CAPN11: variants seen among roughly 807,000 people sequenced by gnomAD.
CAPN11 encodes calpain 11.
In CAPN11, 108 loss-of-function variants were observed where a neutral mutation model predicts 105.3. The ratio of observed to expected loss-of-function variants is 1.03; its 90% CI spans 0.88 to 1.20. CAPN11 has a LOEUF of 1.20. Ranked by LOEUF, CAPN11 falls within the 50% of genes most tolerant of loss-of-function variation. The probability of loss-of-function intolerance (pLI) is 0.00; values close to 1 mark genes in which losing one functional copy is unlikely to be tolerated. For synonymous variants in CAPN11, 329 were observed against 344.5 expected, an observed-to-expected ratio of 0.96 and a Z score of 0.50; for missense variants, 883 against 924.8, an observed-to-expected ratio of 0.95 and a Z score of 0.59.
chr6:44,183,906 T>G lies in CAPN11; in HGVS notation c.2194T>G (p.Trp732Gly). The G allele has an allele frequency of 6.4e-7, 1 of 1,558,316 alleles. No homozygotes were observed. Among genetic ancestry groups the G allele is most frequent in the Non-Finnish European group, 8.7e-7 (1 of 1,150,692 alleles). The change falls in exon 23 of 23, where the codon TGG becomes GGG. Residue 732 changes from tryptophan (W) to glycine (G), a missense_variant and splice_region_variant. Physicochemically the swap from Trp to Gly is radical, Grantham distance 184. Transcript: ENST00000398776. ...TGHICLSLEQ[W>G]LQMTMWG ...TGGGATCTGCTTCCTGTCTCCACAG[T>G]GGCTGCAGATGACCATGTGGGGATA...
At chr6:44,183,584 G>T in intron 21 of CAPN11, 121 bp from the exon 22 acceptor site, 1 of 907,646 alleles carries the variant, frequency 1.1e-6, no homozygotes. Context: ...TTGGCTAGGG[G>T]ATTTATGTGG....
intron 11 of CAPN11, 99 bp downstream of exon 11, chr6:44,177,097 G>C: frequency 6.7e-7 from 1 of 1,489,440 alleles, no homozygotes; most frequent in Non-Finnish European, 9.2e-7. Context: ...CCGGAGTCAG[G>C]GTCCATGAGG....
chr6:44,181,098 AT>A, intron 18 of CAPN11, 101 bp downstream of exon 18: 1 of 1,250,540 alleles, frequency 8.0e-7, no homozygotes, highest in Non-Finnish European at 1.2e-6. Flanking sequence ...CCTGATGGGG[AT>A]TAGGCTCTGG....
chr6:44,172,245 G>A (rs1771137270), intron 4 of CAPN11, 57 bp from the exon 5 acceptor site: 1 of 1,192,880 alleles, frequency 8.4e-7, no homozygotes, highest in African/African-American at 1.5e-5. Context: ...GGATTCTGAG[G>A]CCCACCCACA....
chr6:44,167,205 G>C lies in CAPN11; in HGVS notation c.88+376G>C, dbSNP rs1049714466. 2.6e-5 allele frequency among the ~76,000 whole-genome samples: 4 copies of C among 152,122 alleles called. No individual in the cohort carries two copies. In the East Asian group the frequency reaches 7.7e-4, roughly 29 times the overall value. ...TCCATTATTTCCACTCTCCTTAAAA[G>C]AGCAGCATCTAGGCCGGGCGTGGTG... On this transcript the variant is annotated intron_variant, in intron 2 of 22. Coordinates refer to ENST00000398776, the MANE Select transcript of CAPN11 (RefSeq NM_007058.4).
At chr6:44,160,168 A>C (rs1768473050) in intron 1 of CAPN11, among the ~76,000 whole-genome samples, 2 of 152,188 alleles carry the variant, frequency 1.3e-5, no homozygotes, top group African/African-American at 4.8e-5. Flanking sequence ...AGTAGATTTT[A>C]AGTGTTCTCA....
chr6:44,171,754 G>C (rs4711774), intron 4 of CAPN11, among the ~76,000 whole-genome samples: 116,008 of 152,072 alleles, frequency 0.76, 45,059 homozygotes, highest in African/African-American at 0.91. Context: ...AAAACAAAAG[G>C]ATGTGTCTCT....
intron 18 of CAPN11, 64 bp downstream of exon 18, chr6:44,181,061 C>A: frequency 6.9e-7 from 1 of 1,444,540 alleles, no homozygotes; most frequent in Non-Finnish European, 9.7e-7. Flanking sequence ...CCAGAGATGG[C>A]CACCCTGGGC....
Position 44,170,768 on chromosome 6 carries a change from T to C in CAPN11, c.409+793T>C, listed in dbSNP as rs76923443. ...ACTACAGGTGCTAGAACCCGATCAATCTGGGGTATCAAATAGGAGGGCAAC... is the reference window on the plus strand; with the variant it reads ...ACTACAGGTGCTAGAACCCGATCAACCTGGGGTATCAAATAGGAGGGCAAC... On this transcript the variant is annotated intron_variant, in intron 4 of 22. Transcript: ENST00000398776. 6.3e-3 allele frequency among the ~76,000 whole-genome samples: 964 copies of C among 152,236 alleles called. 3 individuals carry two copies. Among genetic ancestry groups the C allele is most frequent in the African/African-American group, 0.021 (864 of 41,538 alleles).
intron 5 of CAPN11, among the ~76,000 whole-genome samples, chr6:44,172,696 T>A (rs1771215365): frequency 6.6e-6 from 1 of 152,228 alleles, no homozygotes; most frequent in Non-Finnish European, 1.5e-5. Flanking sequence ...TGGTAGTCTC[T>A]GTCACATAAT....
rs928861655 is a variant in CAPN11, at chr6:44,176,874, C to A, written c.1113C>A (p.Leu371=). 1.2e-6 allele frequency: 2 copies of A among 1,613,826 alleles called. No homozygotes were observed. The highest frequency in any genetic ancestry group is 2.7e-5 in the African/African-American group (2 of 74,902). The stretch of plus-strand genomic sequence containing the variant: ...AAGATTTCCTGAACAACTTCACGCT[C>A]CTGGAGATCTGCAACCTCACGCCTG... ...SYQDFLNNFT[L]LEICNLTPDT... is the part of the protein sequence containing the mutation. The change falls in exon 11 of 23, where the codon CTC becomes CTA. Residue 371 remains leucine (L), a synonymous_variant. Transcript: ENST00000398776.
chr6:44,178,750 T>TAAAAA (rs35225903), intron 12 of CAPN11, among the ~76,000 whole-genome samples: 13 of 116,070 alleles, frequency 1.1e-4, no homozygotes, highest in Non-Finnish European at 1.4e-4. Flanking sequence ...CTGTCTCGAT[T>TAAAAA]AAAAAAAAAA....
chr6:44,171,985 G>C (rs554900079), intron 4 of CAPN11, among the ~76,000 whole-genome samples: 14 of 152,306 alleles, frequency 9.2e-5, no homozygotes, highest in African/African-American at 3.1e-4. Flanking sequence ...AGAATCGCTC[G>C]AACCCAGGAG....
Position 44,172,318 on chromosome 6 carries a change from G to GGCTGCCA in CAPN11, c.427_433dup (p.Ile145SerfsTer48). 6.5e-7 allele frequency: 1 copy of GGCTGCCA among 1,534,108 alleles called. No homozygotes were observed. Among genetic ancestry groups the GGCTGCCA allele is most frequent in the Non-Finnish European group, 8.8e-7 (1 of 1,141,756 alleles). The stretch of plus-strand genomic sequence containing the variant: ...TCTTTCCAGGGGACTGCTGGCTGCT[G>GGCTGCCA]GCTGCCATCGGCTCCCTTACCACCT... On this transcript the variant is annotated frameshift_variant, in exon 5 of 23. Transcript: ENST00000398776. LOFTEE classifies it high-confidence loss of function.
chr6:44,169,781 C>A, intron 3 of CAPN11, 125 bp from the exon 4 acceptor site: 1 of 844,346 alleles, frequency 1.2e-6, no homozygotes, highest in Non-Finnish European at 1.9e-6. Flanking sequence ...GTCCTGTACC[C>A]TCTCCCTGCC....
chr6:44,183,261 C>G (rs751716965), intron 21 of CAPN11, 26 bp downstream of exon 21: 1 of 1,469,034 alleles, frequency 6.8e-7, no homozygotes, highest in Non-Finnish European at 9.5e-7. Context: ...ACCCACTCCC[C>G]AGCCTAGGCC....
chr6:44,178,597 A>G (rs1772548530), intron 12 of CAPN11, among the ~76,000 whole-genome samples: 1 of 151,970 alleles, frequency 6.6e-6, no homozygotes, highest in Non-Finnish European at 1.5e-5. Flanking sequence ...CACCAGGCTA[A>G]CAGACTGGTG....
At chr6:44,163,291 T>C (rs1352280339) in intron 1 of CAPN11, among the ~76,000 whole-genome samples, 10 of 152,150 alleles carry the variant, frequency 6.6e-5, no homozygotes, top group African/African-American at 2.4e-4. Context: ...GCCACCCCTT[T>C]TCCAACACCT....
chr6:44,175,878 C>A (rs1482767277), intron 7 of CAPN11, among the ~76,000 whole-genome samples, 190 bp from the exon 8 acceptor site: 1 of 152,150 alleles, frequency 6.6e-6, no homozygotes, highest in African/African-American at 2.4e-5. Context: ...GTATGGGATA[C>A]ACGGGATTTC....
Sources: allele counts gnomAD v4.1 joint callset (sites outside exome capture counted in the v4.1 genomes callset), GRCh38; gene constraint gnomAD v4.1.1; transcripts MANE v1.5; gene names NCBI Gene and HGNC (gene_info 2026-07-23, HGNC 2026-07-21).